Variants in OLA1 observed in about 807,000 individuals in gnomAD.
The protein encoded by OLA1 is obg-like ATPase 1.
In OLA1, 14 loss-of-function variants were observed where a neutral mutation model predicts 48.4. The ratio of observed to expected loss-of-function variants is 0.29; its 90% CI spans 0.19 to 0.45. The LOEUF is 0.45. OLA1 is among the 20% of genes least tolerant of loss of function. The pLI, the probability that OLA1 is intolerant of heterozygous loss-of-function variation, is 1.00. For missense variants in OLA1, 325 were observed against 467.1 expected (o/e 0.70, Z 2.80); for synonymous variants, 127 against 150.4 (o/e 0.84, Z 1.14).
At chr2:174,165,622 A>T (rs550683528) in intron 4 of OLA1, among the ~76,000 whole-genome samples, 1 of 152,340 alleles carries the variant, frequency 6.6e-6, no homozygotes, top group South Asian at 2.1e-4. Context: ...AAGTCTTTCC[A>T]GTTAAAGTTT....
chr2:174,227,958 G>A (rs941130503), intron 3 of OLA1, among the ~76,000 whole-genome samples: 2 of 152,152 alleles, frequency 1.3e-5, no homozygotes, highest in African/African-American at 2.4e-5. Flanking sequence ...GACTGGATAC[G>A]GGGTGAGGGG....
intron 7 of OLA1, among the ~76,000 whole-genome samples, chr2:174,082,956 C>T (rs1684890430): frequency 6.6e-6 from 1 of 152,130 alleles, no homozygotes; most frequent in East Asian, 1.9e-4. Flanking sequence ...TCAGTTTCCT[C>T]ACTTGTAAAA....
intron 4 of OLA1, among the ~76,000 whole-genome samples, chr2:174,166,120 A>G (rs1687157579): frequency 9.5e-6 from 1 of 104,870 alleles, no homozygotes; most frequent in African/African-American, 3.8e-5. Flanking sequence ...GTGAGACTCC[A>G]TTAAAAAAAA....
intron 2 of OLA1, among the ~76,000 whole-genome samples, chr2:174,245,720 C>G (rs1327014202): frequency 6.6e-6 from 1 of 151,998 alleles, no homozygotes. Context: ...ATGGTAAAAC[C>G]CCGTCTCTAC....
intron 9 of OLA1, among the ~76,000 whole-genome samples, chr2:174,080,090 A>C (rs1169627519): frequency 6.6e-6 from 1 of 152,084 alleles, no homozygotes; most frequent in Non-Finnish European, 1.5e-5. Flanking sequence ...TTGCTTTGAC[A>C]TTATTTTTAA....
chr2:174,103,457 T>C (rs2105354109), intron 7 of OLA1, among the ~76,000 whole-genome samples: 1 of 152,312 alleles, frequency 6.6e-6, no homozygotes, highest in East Asian at 1.9e-4. Context: ...ACAGAGACTG[T>C]GTGGTCCTAG....
intron 4 of OLA1, among the ~76,000 whole-genome samples, chr2:174,176,053 G>T (rs1192304469): frequency 2.6e-5 from 4 of 151,924 alleles, no homozygotes; most frequent in Admixed American, 2.6e-4. Flanking sequence ...AACTGCAAAA[G>T]GACACAAATA....
chr2:174,097,874 C>T (rs1192661416), intron 7 of OLA1, among the ~76,000 whole-genome samples: 1 of 152,148 alleles, frequency 6.6e-6, no homozygotes, highest in Non-Finnish European at 1.5e-5. Context: ...AGGATGCTTC[C>T]TTATTCTAAT....
chr2:174,122,737 CT>C (rs57470671), intron 7 of OLA1, among the ~76,000 whole-genome samples: 4,331 of 136,558 alleles, frequency 0.032, 141 homozygotes, highest in African/African-American at 0.089. Context: ...CACACACAGT[CT>C]TTTTTTTTTT....
At chr2:174,157,338 T>G (rs1038831332) in intron 4 of OLA1, among the ~76,000 whole-genome samples, 7 of 151,968 alleles carry the variant, frequency 4.6e-5, no homozygotes, top group African/African-American at 1.7e-4. Flanking sequence ...AACAAGAAAG[T>G]AAACCCAAGA....
chr2:174,096,902 A>C (rs949099890), intron 7 of OLA1, among the ~76,000 whole-genome samples: 1 of 152,194 alleles, frequency 6.6e-6, no homozygotes, highest in Non-Finnish European at 1.5e-5. Flanking sequence ...TCACGCCTGT[A>C]ATCTCAGCAC....
At chr2:174,147,881 T>G (rs912922355) in intron 4 of OLA1, among the ~76,000 whole-genome samples, 1 of 152,204 alleles carries the variant, frequency 6.6e-6, no homozygotes, top group Non-Finnish European at 1.5e-5. Flanking sequence ...TGGAGTGTAG[T>G]GGTGGGATCT....
chr2:174,197,710 G>T (rs779213418), intron 4 of OLA1, among the ~76,000 whole-genome samples: 7 of 152,130 alleles, frequency 4.6e-5, no homozygotes, highest in Non-Finnish European at 1.0e-4. Flanking sequence ...ATGGAATTAA[G>T]CTACTAAGAA....
At chr2:174,219,422 CCTTTT>C (rs1251686760) in intron 4 of OLA1, among the ~76,000 whole-genome samples, 11 of 144,198 alleles carry the variant, frequency 7.6e-5, no homozygotes, top group African/African-American at 2.1e-4. Context: ...ATTTTATTTC[CCTTTT>C]TTTTTTTTTT....
chr2:174,240,497 G>C (rs1473746802), intron 2 of OLA1: 1 of 151,178 alleles, frequency 6.6e-6, no homozygotes, highest in Non-Finnish European at 1.5e-5. Flanking sequence ...TAAGTGAAAA[G>C]TCAAGCAAAC....
At chr2:174,076,341 T>C (rs567560948) in intron 10 of OLA1, among the ~76,000 whole-genome samples, 2 of 152,256 alleles carry the variant, frequency 1.3e-5, no homozygotes, top group East Asian at 3.9e-4. Flanking sequence ...GCACCCACAC[T>C]TAACACTGCA....
intron 4 of OLA1, among the ~76,000 whole-genome samples, chr2:174,219,325 C>G (rs1688440158): frequency 6.7e-6 from 1 of 149,308 alleles, no homozygotes; most frequent in Non-Finnish European, 1.5e-5. Context: ...TGTTTATGCT[C>G]ATACATCATC....
intron 3 of OLA1, among the ~76,000 whole-genome samples, chr2:174,225,569 GGCCTCGCCAGAA>G (rs1249427578): frequency 6.6e-6 from 1 of 151,970 alleles, no homozygotes; most frequent in Non-Finnish European, 1.5e-5. Flanking sequence ...AGCTTTCTGA[GGCCTCGCCAGAA>G]GCCAAACAGA....
chr2:174,084,961 C>G (rs1684935890), intron 7 of OLA1, among the ~76,000 whole-genome samples: 1 of 152,010 alleles, frequency 6.6e-6, no homozygotes, highest in East Asian at 1.9e-4. Flanking sequence ...GACAGTAGAC[C>G]CCTAAAGAGT....
Sources: allele counts gnomAD v4.1 joint callset (sites outside exome capture counted in the v4.1 genomes callset), GRCh38; gene constraint gnomAD v4.1.1; transcripts MANE v1.5; gene names NCBI Gene and HGNC (gene_info 2026-07-23, HGNC 2026-07-21).